Variants in MINK1 observed in about 807,000 individuals in gnomAD.
MINK1 encodes misshapen-like kinase 1.
MINK1 carries 46 observed loss-of-function variants against 178.4 expected under a neutral mutation model. That is an observed-to-expected ratio of 0.26 (90% CI 0.20 to 0.33). The LOEUF (loss-of-function observed/expected upper bound fraction) is 0.33. Among genes scored for constraint, MINK1 ranks in the 10% least tolerant of loss-of-function variants. The pLI is 1.00. For synonymous variants in MINK1, 797 were observed against 709.7 expected (o/e 1.12, Z -1.96); for missense variants, 1,366 against 1,814.9 (o/e 0.75, Z 4.49).
chr17:4,873,026 T>C (rs1408307949), intron 1 of MINK1, among the ~76,000 whole-genome samples: 1 of 152,110 alleles, frequency 6.6e-6, no homozygotes, highest in Non-Finnish European at 1.5e-5. Context: ...TTCCCAGTGG[T>C]TTCCGAGCTG....
rs775990736 is a variant in MINK1, at chr17:4,892,172, C to T, written c.2025C>T (p.Ile675=). ...AGGTGCCTCAGAGGACCTCATCTAT[C>T]GCCACTGCCCTTAACACCAGTGGGG... ...PPKVPQRTSS[I]ATALNTSGAG... The change falls in exon 17 of 32, where the codon ATC becomes ATT. Residue 675 remains isoleucine (I), a synonymous_variant. Transcript: ENST00000355280. The T allele has an allele frequency of 2.0e-4, 327 of 1,600,794 alleles. 1 individual carries two copies. Among genetic ancestry groups the T allele is most frequent in the Non-Finnish European group, 2.4e-4 (282 of 1,174,648 alleles).
chr17:4,866,217 C>CA (rs1914937024), intron 1 of MINK1, among the ~76,000 whole-genome samples: 1 of 152,086 alleles, frequency 6.6e-6, no homozygotes, highest in African/African-American at 2.4e-5. Flanking sequence ...CCTGTAATCC[C>CA]AGCACTTTGG....
intron 1 of MINK1, among the ~76,000 whole-genome samples, chr17:4,835,338 G>C (rs1046099887): frequency 5.3e-5 from 8 of 152,086 alleles, no homozygotes; most frequent in African/African-American, 1.9e-4. Flanking sequence ...ATAAAAAATG[G>C]GTGGGTCAGG....
chr17:4,854,464 G>C (rs1323085350), intron 1 of MINK1, among the ~76,000 whole-genome samples: 1 of 152,200 alleles, frequency 6.6e-6, no homozygotes, highest in Non-Finnish European at 1.5e-5. Context: ...GCTCCAGGCA[G>C]GGCCCCTCTG....
In MINK1 at chr17:4,881,595, G is replaced by A. The variant is rs550925631; in HGVS notation, c.306+338G>A. ...CAAAGGGGAGAGAGACCGTGGGGAG[G>A]CCGTCCATCCATTTTCCTGCCTTTG... is the stretch of plus-strand genomic sequence containing the variant. On this transcript the variant is annotated intron_variant, in intron 4 of 31. Transcript: ENST00000355280. 2.6e-5 allele frequency among the ~76,000 whole-genome samples: 4 copies of A among 152,304 alleles called. No individual in the cohort carries two copies. In the East Asian group the frequency reaches 7.7e-4, roughly 29 times the overall value.
In MINK1 at chr17:4,896,388, GC is replaced by G; in HGVS notation, c.3616-40del. On this transcript the variant is annotated intron_variant, in intron 29 of 31. Coordinates refer to ENST00000355280, the MANE Select transcript of MINK1 (RefSeq NM_153827.5). This position sits in a 1 kb window ranked among gnomAD's most constrained non-coding sequence, Gnocchi z 4.6. ...GGGGGAGTGGGATGGCCCAGTCTGG[GC>G]ACCAGACACGGAGACTCTAGTCCCC... The G allele has an allele frequency of 6.2e-7, 1 of 1,608,930 alleles. No individual in the cohort carries two copies. The highest frequency in any genetic ancestry group is 1.3e-5 in the African/African-American group (1 of 74,980).
At chr17:4,866,946 G>A (rs1277215880) in intron 1 of MINK1, among the ~76,000 whole-genome samples, 1 of 151,204 alleles carries the variant, frequency 6.6e-6, no homozygotes, top group African/African-American at 2.4e-5. Context: ...GGTGGCGGGC[G>A]CCTGTAGTCC....
chr17:4,841,216 G>A (rs118168858), intron 1 of MINK1, among the ~76,000 whole-genome samples: 1 of 152,074 alleles, frequency 6.6e-6, no homozygotes, highest in African/African-American at 2.4e-5. Context: ...ATCTCCGCAC[G>A]GGCACTTCCG....
At chr17:4,891,205 C>A (rs1968773331) in intron 15 of MINK1, 81 bp downstream of exon 15, 1 of 465,826 alleles carries the variant, frequency 2.1e-6, no homozygotes, top group Non-Finnish European at 3.6e-6. Context: ...CGCGCGCACA[C>A]ACACACACAC....
intron 1 of MINK1, among the ~76,000 whole-genome samples, chr17:4,849,956 C>CT (rs894718912): frequency 4.0e-5 from 6 of 151,896 alleles, no homozygotes; most frequent in Non-Finnish European, 7.4e-5. Flanking sequence ...TTCTTTTCTT[C>CT]TTTTTTTTGA....
intron 5 of MINK1, 139 bp from the exon 6 acceptor site, chr17:4,884,773 G>A (rs933420618): frequency 4.9e-5 from 36 of 736,548 alleles, no homozygotes; most frequent in Admixed American, 1.7e-4. Flanking sequence ...GCTTGCTTGG[G>A]CTCCTGGTGG....
Position 4,893,538 on chromosome 17 carries a change from C to T in MINK1, c.2505C>T (p.Asp835=), listed in dbSNP as rs199901826. The T allele has an allele frequency of 3.3e-5, 53 of 1,593,954 alleles. No individual in the cohort carries two copies. The highest frequency in any genetic ancestry group is 3.3e-5 in the Non-Finnish European group (39 of 1,165,650). ...SSSEEVESSE[D]DEEEGEGGPA... is the part of the protein sequence containing the mutation. ...GCGAGGAGGTGGAAAGCAGTGAGGACGACGAGGAGGAAGGCGAAGGCGGGC... is the reference window on the plus strand; with the variant it reads ...GCGAGGAGGTGGAAAGCAGTGAGGATGACGAGGAGGAAGGCGAAGGCGGGC... The change falls in exon 21 of 32, where the codon GAC becomes GAT. Residue 835 remains aspartate, a synonymous_variant. Coordinates refer to ENST00000355280, the MANE Select transcript of MINK1 (RefSeq NM_153827.5).
intron 19 of MINK1, 48 bp downstream of exon 19, chr17:4,892,816 C>T (rs750940272): frequency 5.9e-6 from 9 of 1,517,294 alleles, no homozygotes; most frequent in Non-Finnish European, 8.1e-6. Context: ...GGGGGCTTAT[C>T]ACCATGGACC....
intron 2 of MINK1, 130 bp from the exon 3 acceptor site, chr17:4,880,854 C>T (rs1158124659): frequency 2.0e-5 from 16 of 815,372 alleles, no homozygotes; most frequent in African/African-American, 1.0e-4. Flanking sequence ...GAGCCGAGAT[C>T]GCGCCACTGC....
In MINK1 at chr17:4,893,472, C is replaced by T. The variant is rs779678313; in HGVS notation, c.2439C>T (p.Ala813=). 43 of 1,594,526 alleles carry T rather than the reference C, an allele frequency of 2.7e-5. No homozygotes were observed. The highest frequency in any genetic ancestry group is 3.7e-5 in the Non-Finnish European group (43 of 1,164,880). The change falls in exon 21 of 32, where the codon GCC becomes GCT. Residue 813 remains alanine (A), a synonymous_variant. Coordinates refer to ENST00000355280, the MANE Select transcript of MINK1 (RefSeq NM_153827.5). ...TGAAAGAGCGGACTCTGGACGAGGC[C>T]CCTCGGCCTCCCAAGAAGGCCATGG... ...VLLKERTLDE[A]PRPPKKAMDY...
At chr17:4,881,698 G>A (rs1473367497) in intron 4 of MINK1, among the ~76,000 whole-genome samples, 1 of 152,248 alleles carries the variant, frequency 6.6e-6, no homozygotes, top group Admixed American at 6.5e-5. Flanking sequence ...CAGAACCCCA[G>A]ATGCTACAGA....
chr17:4,891,542 C>A lies in MINK1; in HGVS notation c.1827C>A (p.Asn609Lys). 2 of 1,610,130 alleles carry A rather than the reference C, an allele frequency of 1.2e-6. No individual in the cohort carries two copies. Among genetic ancestry groups the A allele is most frequent in the African/African-American group, 1.3e-5 (1 of 74,916 alleles). ...CCCTGCAGGACCAGCCCACCCGAAACCTGGCTGCCTTCCCAGCCTCCCATG... is the reference window on the plus strand; with the variant it reads ...CCCTGCAGGACCAGCCCACCCGAAAACTGGCTGCCTTCCCAGCCTCCCATG... ...SQSLQDQPTR[N>K]LAAFPASHDP... The change falls in exon 16 of 32, where the codon AAC becomes AAA. Residue 609 changes from asparagine (N) to lysine (K), a missense_variant. By Grantham distance (94) the Asn-to-Lys change is moderately conservative. This residue lies in a region of MINK1 where 709 missense variants were observed against 692.3 expected (regional missense o/e 1.02). Coordinates refer to ENST00000355280, the MANE Select transcript of MINK1 (RefSeq NM_153827.5).
In MINK1 at chr17:4,885,735, G is replaced by A; in HGVS notation, c.639+122G>A. On this transcript the variant is annotated intron_variant, in intron 7 of 31. Coordinates refer to ENST00000355280, the MANE Select transcript of MINK1 (RefSeq NM_153827.5). This position sits in a 1 kb window ranked among gnomAD's most constrained non-coding sequence, Gnocchi z 5.0. ...AGATGATGTTAGCAGTGAGGGGCTG[G>A]GGAACATCTTACGGCAAGGCAAGTG... The A allele has an allele frequency of 6.9e-7, 1 of 1,458,990 alleles. No homozygotes were observed. Among genetic ancestry groups the A allele is most frequent in the Non-Finnish European group, 9.4e-7 (1 of 1,068,732 alleles). 90.4% of individuals were successfully genotyped at this position (1,458,990 alleles called of 1,614,324 possible).
Position 4,894,300 on chromosome 17 carries a change from G to A in MINK1, c.2797G>A (p.Gly933Arg), listed in dbSNP as rs759715527. The A allele has an allele frequency of 1.2e-6, 2 of 1,612,546 alleles. No homozygotes were observed. Among genetic ancestry groups the A allele is most frequent in the Non-Finnish European group, 1.7e-6 (2 of 1,179,632 alleles). ...AGGCCAAAGCCCACCCTCGAAGGAT[G>A]GGAGTGGTGACGTAAGTGGGCCGGA... ...SKGQSPPSKD[G>R]SGDYQSRGLV... The change falls in exon 23 of 32, where the codon GGG becomes AGG. Residue 933 changes from glycine (G) to arginine (R), a missense_variant. Physicochemically the swap from Gly to Arg is moderately radical, Grantham distance 125. Coordinates refer to ENST00000355280, the MANE Select transcript of MINK1 (RefSeq NM_153827.5). This position sits in a 1 kb window ranked among gnomAD's most constrained non-coding sequence, Gnocchi z 4.1.
Sources: gnomAD v4.1 joint callset for allele counts (sites outside exome capture counted in the v4.1 genomes callset) on GRCh38, gnomAD v4.1.1 for gene constraint, gnomAD v4.1.1 regional missense constraint, Gnocchi (gnomAD v3.1) non-coding constraint, MANE v1.5 for transcripts, NCBI Gene and HGNC (gene_info 2026-07-23, HGNC 2026-07-21) for gene names.